The following NCK2 variants were observed in gnomAD, a reference collection of about 807,000 sequenced individuals.
The protein encoded by NCK2 is cytoplasmic protein NCK2.
In NCK2, 16 loss-of-function variants were observed where a neutral mutation model predicts 33.9. The observed-to-expected ratio is 0.47, with a 90% confidence interval of 0.32 to 0.72. The LOEUF (loss-of-function observed/expected upper bound fraction) is 0.72, where lower values mean the gene tolerates loss of function less well. NCK2 is among the 30% of genes least tolerant of loss of function. The pLI, the probability that NCK2 is intolerant of heterozygous loss-of-function variation, is 0.03. For missense variants in NCK2, 418 were observed against 537.3 expected, an observed-to-expected ratio of 0.78 and a Z score of 2.19; for synonymous variants, 273 against 239.9, an observed-to-expected ratio of 1.14 and a Z score of -1.27.
chr2:105,892,717 G>C (rs1679037547), intron 4 of NCK2, among the ~76,000 whole-genome samples: 1 of 152,158 alleles, frequency 6.6e-6, no homozygotes, highest in African/African-American at 2.4e-5. Flanking sequence ...ATGGTGGCAG[G>C]TTCCTGTAAT....
intron 1 of NCK2, among the ~76,000 whole-genome samples, chr2:105,781,586 CTT>C (rs1412440204): frequency 6.6e-6 from 1 of 152,186 alleles, no homozygotes; most frequent in Non-Finnish European, 1.5e-5. Flanking sequence ...CATAGTGTGA[CTT>C]TGGGCTGGCA....
chr2:105,760,036 T>G (rs1056295523), intron 1 of NCK2, among the ~76,000 whole-genome samples: 21 of 152,204 alleles, frequency 1.4e-4, no homozygotes, highest in African/African-American at 5.1e-4. Flanking sequence ...GTGACTCCAC[T>G]GTCAAGTGAC....
chr2:105,837,312 A>G (rs1017558040), intron 2 of NCK2, among the ~76,000 whole-genome samples: 5 of 152,026 alleles, frequency 3.3e-5, no homozygotes, highest in East Asian at 1.9e-4. Flanking sequence ...TCTAAACTAC[A>G]TTGTTTAATT....
At chr2:105,790,669 T>TA (rs1690847703) in intron 1 of NCK2, among the ~76,000 whole-genome samples, 1 of 152,218 alleles carries the variant, frequency 6.6e-6, no homozygotes, top group Admixed American at 6.5e-5. Flanking sequence ...GCCAGGCCCT[T>TA]AGTGCCTCCT....
chr2:105,819,489 G>A (rs1675642300), intron 2 of NCK2, among the ~76,000 whole-genome samples: 1 of 152,134 alleles, frequency 6.6e-6, no homozygotes, highest in African/African-American at 2.4e-5. Flanking sequence ...TAATTTATTA[G>A]CATCAGAGTC....
At chr2:105,836,296 C>G (rs1353782500) in intron 2 of NCK2, among the ~76,000 whole-genome samples, 1 of 151,638 alleles carries the variant, frequency 6.6e-6, no homozygotes, top group African/African-American at 2.4e-5. Context: ...TAGATGTATG[C>G]TATAGTATCA....
rs188339064 is a variant in NCK2, at chr2:105,792,847, T to C, written c.-200-23583T>C. ...GGATGGCCGTGGCCTCCACCTGTAA[T>C]GCACAGGGGTTGCAAAGTGATGATT... is the stretch of plus-strand genomic sequence containing the variant. On this transcript the variant is annotated intron_variant, in intron 1 of 4. Transcript: ENST00000233154. Among the ~76,000 whole-genome samples the C allele has an allele frequency of 2.6e-5, 4 of 152,310 alleles. No individual in the cohort carries two copies. In the East Asian group the frequency reaches 5.8e-4, roughly 22 times the overall value.
intron 1 of NCK2, among the ~76,000 whole-genome samples, chr2:105,806,673 CTG>C (rs775258796): frequency 8.5e-5 from 13 of 152,094 alleles, no homozygotes; most frequent in Middle Eastern, 3.4e-3. Context: ...TTATGGGACA[CTG>C]TAATATCTAT....
chr2:105,771,455 A>C (rs1263049395), intron 1 of NCK2, among the ~76,000 whole-genome samples: 1 of 151,918 alleles, frequency 6.6e-6, no homozygotes, highest in African/African-American at 2.4e-5. Flanking sequence ...AATCCCAGCT[A>C]CTTGGGAGGC....
chr2:105,766,634 T>C (rs568500988), intron 1 of NCK2, among the ~76,000 whole-genome samples: 2 of 152,270 alleles, frequency 1.3e-5, no homozygotes, highest in South Asian at 2.1e-4. Flanking sequence ...AGGTTTTCTT[T>C]TTCTCCACTG....
chr2:105,759,929 G>A (rs1439475324), intron 1 of NCK2, among the ~76,000 whole-genome samples: 2 of 152,154 alleles, frequency 1.3e-5, no homozygotes, highest in Non-Finnish European at 2.9e-5. Flanking sequence ...GTGCCATTTT[G>A]TATCAAGGGT....
chr2:105,772,201 TG>T (rs1441222362), intron 1 of NCK2, among the ~76,000 whole-genome samples: 2 of 152,082 alleles, frequency 1.3e-5, no homozygotes, highest in Admixed American at 1.3e-4. Flanking sequence ...TGGGAACTCT[TG>T]ATCTCTTTGG....
intron 2 of NCK2, among the ~76,000 whole-genome samples, chr2:105,833,000 CTTTT>C (rs35726815): frequency 1.5e-5 from 2 of 132,126 alleles, no homozygotes; most frequent in African/African-American, 2.8e-5. Flanking sequence ...TGTTGGGAGA[CTTTT>C]TTTTTTTTTT....
chr2:105,850,770 AT>A (rs973638482), intron 2 of NCK2, among the ~76,000 whole-genome samples: 1 of 151,918 alleles, frequency 6.6e-6, no homozygotes, highest in Admixed American at 6.6e-5. Flanking sequence ...GCTGGAATGC[AT>A]TTTTTTTCAG....
chr2:105,795,728 A>G (rs1174249335), intron 1 of NCK2, among the ~76,000 whole-genome samples: 1 of 152,180 alleles, frequency 6.6e-6, no homozygotes, highest in East Asian at 1.9e-4. Flanking sequence ...ACGACAAAGA[A>G]TTACCGAAAC....
chr2:105,841,845 AG>A (rs1414659231), intron 2 of NCK2, among the ~76,000 whole-genome samples: 2 of 152,218 alleles, frequency 1.3e-5, no homozygotes, highest in Non-Finnish European at 2.9e-5. Flanking sequence ...GGCTACAGAA[AG>A]GGGAGGAGAT....
At chr2:105,763,745 C>T (rs115730988) in intron 1 of NCK2, among the ~76,000 whole-genome samples, 2,867 of 152,110 alleles carry the variant, frequency 0.019, 49 homozygotes, top group Non-Finnish European at 0.022. Flanking sequence ...GATTCTCAGC[C>T]GTGTTGTGGC....
intron 1 of NCK2, 144 bp downstream of exon 1, chr2:105,745,282 C>G (rs559533633): frequency 6.6e-6 from 1 of 151,866 alleles, no homozygotes; most frequent in African/African-American, 2.4e-5. Context: ...CTCCGGTGCT[C>G]TCGGCCCTGC....
At chr2:105,892,428 C>T (rs1383579662) in intron 4 of NCK2, among the ~76,000 whole-genome samples, 1 of 152,156 alleles carries the variant, frequency 6.6e-6, no homozygotes, top group Non-Finnish European at 1.5e-5. Flanking sequence ...ATAACTAAAA[C>T]GCATTTAGCA....
Sources: gnomAD v4.1 joint callset for allele counts (sites outside exome capture counted in the v4.1 genomes callset) on GRCh38, gnomAD v4.1.1 for gene constraint, MANE v1.5 for transcripts, NCBI Gene and HGNC (gene_info 2026-07-23, HGNC 2026-07-21) for gene names.